CXCR2: variants seen among roughly 807,000 people sequenced by gnomAD.
The protein encoded by CXCR2 is C-X-C chemokine receptor type 2.
A neutral mutation model predicts 3.7 loss-of-function variants in CXCR2; 2 were observed. That is an observed-to-expected ratio of 0.55 (90% CI 0.22 to 1.72). The LOEUF is 1.72. Among genes scored for constraint, CXCR2 ranks in the 40% most tolerant of loss-of-function variants. CXCR2 has a pLI of 0.19. For synonymous variants in CXCR2, 203 were observed against 193.3 expected (o/e 1.05, Z -0.41); for missense variants, 351 against 450.1 (o/e 0.78, Z 1.99).
intron 2 of CXCR2, 77 bp from the exon 3 acceptor site, chr2:218,134,700 C>A: frequency 7.4e-7 from 1 of 1,346,220 alleles, no homozygotes. Flanking sequence ...CACAAAGAAT[C>A]CTATCCCAGT....
rs17844691 is a variant in CXCR2, at chr2:218,131,556, G to A, written c.-26+2191G>A. On this transcript the variant is annotated intron_variant, in intron 2 of 2. Coordinates refer to ENST00000318507, the MANE Select transcript of CXCR2 (RefSeq NM_001557.4). ...GCCATCTCGGCTCACTGCAAGCTTC[G>A]CTTCCCGGGTTCACACCGTTCTCCT... 3.8e-3 allele frequency among the ~76,000 whole-genome samples: 555 copies of A among 147,504 alleles called. 4 individuals are homozygous for A. The highest frequency in any genetic ancestry group is 0.013 in the African/African-American group (518 of 39,454).
chr2:218,128,316 G>GA (rs1690557949), intron 1 of CXCR2, among the ~76,000 whole-genome samples: 3 of 152,200 alleles, frequency 2.0e-5, no homozygotes, highest in African/African-American at 7.2e-5. Context: ...AACATTTGCT[G>GA]AACAGTTGGA....
At chr2:218,130,302 C>T (rs947096522) in intron 2 of CXCR2, among the ~76,000 whole-genome samples, 3 of 152,100 alleles carry the variant, frequency 2.0e-5, no homozygotes, top group Non-Finnish European at 4.4e-5. Context: ...CGCCTGTAAT[C>T]TCAGCTACTT....
chr2:218,134,478 G>A (rs1690730207), intron 2 of CXCR2, among the ~76,000 whole-genome samples: 1 of 152,202 alleles, frequency 6.6e-6, no homozygotes, highest in African/African-American at 2.4e-5. Context: ...GTAGTATTGA[G>A]GGTTCTGTGG....
chr2:218,131,286 G>A, intron 2 of CXCR2, among the ~76,000 whole-genome samples: 1 of 152,130 alleles, frequency 6.6e-6, no homozygotes, highest in East Asian at 1.9e-4. Context: ...GGGCCTCTCA[G>A]CAAACTTGCT....
intron 2 of CXCR2, among the ~76,000 whole-genome samples, chr2:218,132,919 T>A (rs901512877): frequency 4.6e-5 from 7 of 152,234 alleles, no homozygotes; most frequent in African/African-American, 1.7e-4. Flanking sequence ...GTTCATGTGG[T>A]AACTCTATGT....
At chr2:218,129,738 A>G (rs1690597216) in intron 2 of CXCR2, among the ~76,000 whole-genome samples, 1 of 152,202 alleles carries the variant, frequency 6.6e-6, no homozygotes, top group South Asian at 2.1e-4. Context: ...GATTATATTT[A>G]TAGAGAGAAA....
intron 1 of CXCR2, among the ~76,000 whole-genome samples, chr2:218,128,880 A>G (rs572912881): frequency 6.6e-6 from 1 of 152,320 alleles, no homozygotes; most frequent in African/African-American, 2.4e-5. Context: ...CATCTCTGTC[A>G]TTTTAATGCA....
At chr2:218,125,863 C>T (rs4674258), upstream of CXCR2, 75,802 of 152,340 alleles carry the variant, frequency 0.5, 19,169 homozygotes, top group Middle Eastern at 0.68. Flanking sequence ...CAGTGGGTCC[C>T]ACAGTCAGGT....
Position 218,135,326 on chromosome 2 carries a change from C to G in CXCR2, c.525C>G (p.Leu175=). ...ICLSIWGLSL[L]LALPVLLFRR... is the part of the protein sequence containing the mutation. ...TCAGCATCTGGGGTCTGTCCTTGCT[C>G]CTGGCCCTGCCTGTCTTACTTTTCC... Residue 175 remains leucine, a synonymous_variant, in exon 3 of 3, where the codon CTC becomes CTG. Coordinates refer to ENST00000318507, the MANE Select transcript of CXCR2 (RefSeq NM_001557.4). The surrounding 1 kb of genome is among the most constrained non-coding windows in gnomAD (Gnocchi z 4.0). 6.2e-7 allele frequency: 1 copy of G among 1,614,196 alleles called. No individual in the cohort carries two copies. Among genetic ancestry groups the G allele is most frequent in the Non-Finnish European group, 8.5e-7 (1 of 1,180,036 alleles).
rs201580582 is a variant in CXCR2 at position 218,136,054 on chromosome 2, A to G, written c.*170A>G. On this transcript the variant is annotated 3_prime_UTR_variant, in exon 3 of 3. Transcript: ENST00000318507. ...TACTAGTTTCCCTTGCATGGTTTAG[A>G]AAGCTTGCCCTGGTGCCTCACCCCT... 30 of 890,436 alleles carry G rather than the reference A, an allele frequency of 3.4e-5. No homozygotes were observed. Among genetic ancestry groups the G allele is most frequent in the Non-Finnish European group, 5.0e-5 (29 of 581,942 alleles). 55.2% of individuals were successfully genotyped at this position (890,436 alleles called of 1,614,324 possible). A position where few individuals can be genotyped will look rare whatever the true frequency, so the allele number is the denominator to read the frequency against.
chr2:218,136,996 A>T lies in CXCR2; in HGVS notation c.*1112A>T, dbSNP rs201795975. 9.0e-5 allele frequency: 15 copies of T among 167,266 alleles called. No individual in the cohort carries two copies. The highest frequency in any genetic ancestry group is 3.4e-3 in the Middle Eastern group (1 of 296). The allele number at this position is 167,266 out of a possible 1,614,324, so 10.4% of individuals were successfully genotyped here. Reference sequence around the variant, plus strand: ...GGGTTTATGTTTAGGATGTTGAAAAAGTTCTGCAGATAAACAGTAGTGATA... The same window carrying T: ...GGGTTTATGTTTAGGATGTTGAAAATGTTCTGCAGATAAACAGTAGTGATA... On this transcript the variant is annotated 3_prime_UTR_variant, in exon 3 of 3. Transcript: ENST00000318507.
chr2:218,127,060 G>A (rs1462780823), intron 1 of CXCR2, among the ~76,000 whole-genome samples: 7 of 152,064 alleles, frequency 4.6e-5, no homozygotes, highest in South Asian at 2.1e-4. Flanking sequence ...AGAAGCTCCC[G>A]TTTTCCAAAG....
intron 2 of CXCR2, 126 bp from the exon 3 acceptor site, chr2:218,134,651 T>C: frequency 1.1e-6 from 1 of 901,732 alleles, no homozygotes; most frequent in Non-Finnish European, 1.6e-6. Context: ...ACTTACAAAT[T>C]TGAAGGGAAA....
intron 2 of CXCR2, among the ~76,000 whole-genome samples, chr2:218,130,471 G>A (rs552721302): frequency 1.2e-4 from 18 of 152,192 alleles, no homozygotes; most frequent in Non-Finnish European, 1.8e-4. Flanking sequence ...ATGTTTAATA[G>A]ATGAGGTGCA....
chr2:218,132,770 G>A lies in CXCR2; in HGVS notation c.-25-2007G>A, dbSNP rs1239942788. On this transcript the variant is annotated intron_variant, in intron 2 of 2. Coordinates refer to ENST00000318507, the MANE Select transcript of CXCR2 (RefSeq NM_001557.4). ...ACCAAAAAGTCTTTCAGTTGCTCATGACTGTTCCTCAATTTGTCTGTCCGT... is the reference window on the plus strand; with the variant it reads ...ACCAAAAAGTCTTTCAGTTGCTCATAACTGTTCCTCAATTTGTCTGTCCGT... 2.0e-5 allele frequency among the ~76,000 whole-genome samples: 3 copies of A among 152,300 alleles called. No homozygotes were observed. In the East Asian group the frequency reaches 5.8e-4, roughly 29 times the overall value.
At chr2:218,133,290 ATTTTTTTT>A (rs60630461) in intron 2 of CXCR2, among the ~76,000 whole-genome samples, 4 of 73,458 alleles carry the variant, frequency 5.4e-5, no homozygotes, top group African/African-American at 1.9e-4. Flanking sequence ...AGAAACTGGG[ATTTTTTTT>A]TTTTTTTTTT....
At chr2:218,128,424 A>G (rs1690561084) in intron 1 of CXCR2, among the ~76,000 whole-genome samples, 1 of 152,180 alleles carries the variant, frequency 6.6e-6, no homozygotes, top group Non-Finnish European at 1.5e-5. Flanking sequence ...AGCAAGAGAT[A>G]GGGTAAGGAA....
intron 1 of CXCR2, among the ~76,000 whole-genome samples, chr2:218,126,637 C>T (rs993720532): frequency 6.6e-6 from 1 of 152,052 alleles, no homozygotes; most frequent in African/African-American, 2.4e-5. Flanking sequence ...ATTTTTATTT[C>T]ATTTTATTTT....
Sources: gnomAD v4.1 joint callset for allele counts (sites outside exome capture counted in the v4.1 genomes callset) on GRCh38, gnomAD v4.1.1 for gene constraint, Gnocchi (gnomAD v3.1) non-coding constraint, MANE v1.5 for transcripts, NCBI Gene and HGNC (gene_info 2026-07-23, HGNC 2026-07-21) for gene names.